The following VSTM2A variants were observed in gnomAD, a reference collection of about 807,000 sequenced individuals.
The protein encoded by VSTM2A is V-set and transmembrane domain-containing protein 2A.
VSTM2A carries 13 observed loss-of-function variants against 27.3 expected under a neutral mutation model. That is an observed-to-expected ratio of 0.48 (90% CI 0.31 to 0.76). The LOEUF is 0.76. Among genes scored for constraint, VSTM2A ranks in the 30% least tolerant of loss-of-function variants. VSTM2A has a pLI of 0.05. For synonymous variants in VSTM2A, 142 were observed against 125.7 expected, an observed-to-expected ratio of 1.13 and a Z score of -0.87; for missense variants, 280 against 310.0, an observed-to-expected ratio of 0.90 and a Z score of 0.73.
chr7:54,548,974 A>G (rs894362914), intron 3 of VSTM2A, among the ~76,000 whole-genome samples: 1 of 151,024 alleles, frequency 6.6e-6, no homozygotes. Flanking sequence ...ACATATGATT[A>G]TGTATTAAAC....
rs1788019243 is a variant in VSTM2A at position 54,546,980 on chromosome 7, G to T, written c.280G>T (p.Asp94Tyr). 2 of 1,591,854 alleles carry T rather than the reference G, an allele frequency of 1.3e-6. No individual in the cohort carries two copies. Among genetic ancestry groups the T allele is most frequent in the African/African-American group, 2.8e-5 (2 of 71,412 alleles). The change falls in exon 3 of 5, where the codon GAC becomes TAC. Residue 94 changes from aspartate (D) to tyrosine (Y), a missense_variant. Asp to Tyr is a radical substitution (Grantham distance 160, BLOSUM62 -3). Coordinates refer to ENST00000402613, the MANE Select transcript of VSTM2A (RefSeq NM_001301009.2). ...ELLPDRDPDSDGTKISTVKVQ... is the reference protein window; with the variant it reads ...ELLPDRDPDSYGTKISTVKVQ... ...CTTGCCCGACAGAGACCCGGACAGCGACGGGACCAAGATCAGCGTGAGTGC... is the reference window on the plus strand; with the variant it reads ...CTTGCCCGACAGAGACCCGGACAGCTACGGGACCAAGATCAGCGTGAGTGC...
intron 4 of VSTM2A, chr7:54,550,384 T>C (rs988430220): frequency 8.9e-6 from 12 of 1,353,430 alleles, no homozygotes; most frequent in African/African-American, 5.8e-5. Flanking sequence ...CTAGTGGTGC[T>C]TCATTTCCAG....
rs1001355589 is a variant in VSTM2A, at chr7:54,569,332, A to G, written c.*113A>G. On this transcript the variant is annotated 3_prime_UTR_variant, in exon 5 of 5. Transcript: ENST00000402613. ...CTGATCTTTTATTTTAAGAGAATTAACGTGAAGTGATAGAACGTTTTCTAA... is the reference window on the plus strand; with the variant it reads ...CTGATCTTTTATTTTAAGAGAATTAGCGTGAAGTGATAGAACGTTTTCTAA... 6.7e-7 allele frequency: 1 copy of G among 1,488,782 alleles called. No individual in the cohort carries two copies. Among genetic ancestry groups the G allele is most frequent in the Non-Finnish European group, 9.0e-7 (1 of 1,114,958 alleles). The allele number at this position is 1,488,782 out of a possible 1,614,324, so 92.2% of individuals were successfully genotyped here. A position where few individuals can be genotyped will look rare whatever the true frequency, so the allele number is the denominator to read the frequency against.
At chr7:54,556,436 G>A (rs1458160799) in intron 4 of VSTM2A, among the ~76,000 whole-genome samples, 1 of 152,204 alleles carries the variant, frequency 6.6e-6, no homozygotes, top group Non-Finnish European at 1.5e-5. Flanking sequence ...TGGGAGGAGG[G>A]AGATGAGGGA....
intron 4 of VSTM2A, among the ~76,000 whole-genome samples, chr7:54,554,271 C>T (rs1056913873): frequency 1.3e-5 from 2 of 152,108 alleles, no homozygotes; most frequent in Admixed American, 6.5e-5. Flanking sequence ...CTAGCATTCT[C>T]CTCTCTCCTT....
chr7:54,566,489 GGA>G (rs1788727971), intron 4 of VSTM2A, among the ~76,000 whole-genome samples: 1 of 152,180 alleles, frequency 6.6e-6, no homozygotes, highest in African/African-American at 2.4e-5. Flanking sequence ...GAAGTTCAGA[GGA>G]GAGAGAGATT....
At chr7:54,565,370 G>C (rs1421670118) in intron 4 of VSTM2A, among the ~76,000 whole-genome samples, 1 of 152,246 alleles carries the variant, frequency 6.6e-6, no homozygotes, top group Non-Finnish European at 1.5e-5. Flanking sequence ...GTCCCCAATA[G>C]GTTCAGCCGT....
intron 2 of VSTM2A, among the ~76,000 whole-genome samples, chr7:54,546,479 A>G (rs1787973899): frequency 6.6e-6 from 1 of 151,294 alleles, no homozygotes; most frequent in Non-Finnish European, 1.5e-5. Flanking sequence ...AAGGCGCGAA[A>G]ATTCGTCCCG....
intron 3 of VSTM2A, among the ~76,000 whole-genome samples, chr7:54,548,435 T>C (rs1788074289): frequency 2.6e-5 from 4 of 152,202 alleles, no homozygotes; most frequent in Admixed American, 2.6e-4. Context: ...AGAGTTGTTA[T>C]AAAATACTGA....
Position 54,569,377 on chromosome 7 carries a change from CCTTTT to C in VSTM2A, c.*163_*167del. ...TTCTAATAGCAAGATCTATTTTTTC[CCTTTT>C]CTTTCGGCGACTAAAATCATCTCAC... On this transcript the variant is annotated 3_prime_UTR_variant, in exon 5 of 5. Coordinates refer to ENST00000402613, the MANE Select transcript of VSTM2A (RefSeq NM_001301009.2). 1 of 1,332,498 alleles carries C rather than the reference CCTTTT, an allele frequency of 7.5e-7. No individual in the cohort carries two copies. Among genetic ancestry groups the C allele is most frequent in the South Asian group, 1.5e-5 (1 of 64,870 alleles). 82.5% of individuals were successfully genotyped at this position (1,332,498 alleles called of 1,614,324 possible). A position where few individuals can be genotyped will look rare whatever the true frequency, so the allele number is the denominator to read the frequency against.
chr7:54,566,523 A>T (rs1788728931), intron 4 of VSTM2A, among the ~76,000 whole-genome samples: 1 of 152,226 alleles, frequency 6.6e-6, no homozygotes, highest in South Asian at 2.1e-4. Context: ...TTAGGAACAG[A>T]TAAATGGACA....
Position 54,552,794 on chromosome 7 carries a change from A to ATCTTTTATT in VSTM2A, c.634+2625_634+2633dup, listed in dbSNP as rs138921227. 4.6e-4 allele frequency among the ~76,000 whole-genome samples: 70 copies of ATCTTTTATT among 152,350 alleles called. No individual in the cohort carries two copies. The East Asian group carries it at 0.01, about 23-fold the overall frequency. ...AATAGCTATATTGTACTAGCCTTTT[A>ATCTTTTATT]TCTTTTATTGTTTGATACAAAGAGG... On this transcript the variant is annotated intron_variant, in intron 4 of 4. Transcript: ENST00000402613.
At chr7:54,553,732 C>T in intron 4 of VSTM2A, 1 of 1,249,298 alleles carries the variant, frequency 8.0e-7, no homozygotes, top group South Asian at 1.5e-5. Flanking sequence ...TGTGGAAGTC[C>T]CAGGATCTTG....
intron 4 of VSTM2A, among the ~76,000 whole-genome samples, chr7:54,553,041 C>A (rs1382338253): frequency 6.6e-6 from 1 of 152,150 alleles, no homozygotes; most frequent in East Asian, 1.9e-4. Context: ...TTCAAATTTT[C>A]ATACAATTAA....
intron 1 of VSTM2A, 68 bp from the exon 2 acceptor site, chr7:54,544,554 C>A: frequency 6.3e-7 from 1 of 1,591,052 alleles, no homozygotes; most frequent in Non-Finnish European, 8.6e-7. Context: ...ATGTAGCGAG[C>A]TCTCAAGGAA....
intron 4 of VSTM2A, chr7:54,553,795 C>T: frequency 6.5e-7 from 1 of 1,538,794 alleles, no homozygotes; most frequent in African/African-American, 1.4e-5. Context: ...GGACTCAACG[C>T]CCCTCCACCA....
chr7:54,544,539 G>T, intron 1 of VSTM2A, 83 bp from the exon 2 acceptor site: 1 of 1,572,744 alleles, frequency 6.4e-7, no homozygotes, highest in East Asian at 2.2e-5. Context: ...TTAAGTCCAG[G>T]AAAAATGTAG....
In VSTM2A at chr7:54,561,586, AATGAG is replaced by A. The variant is rs1788563220; in HGVS notation, c.635-7541_635-7537del. 2.0e-5 allele frequency among the ~76,000 whole-genome samples: 3 copies of A among 152,306 alleles called. No homozygotes were observed. In the South Asian group the frequency reaches 6.2e-4, roughly 32 times the overall value. The stretch of plus-strand genomic sequence containing the variant: ...GTCCTTTTATTTGTATATCTTGATA[AATGAG>A]ATGTGAATTTTAAAAATCTTGCGTC... On this transcript the variant is annotated intron_variant, in intron 4 of 4. Coordinates refer to ENST00000402613, the MANE Select transcript of VSTM2A (RefSeq NM_001301009.2).
intron 3 of VSTM2A, among the ~76,000 whole-genome samples, chr7:54,547,842 AGTG>A (rs1178609222): frequency 1.3e-5 from 2 of 152,184 alleles, no homozygotes; most frequent in African/African-American, 4.8e-5. Context: ...AATAGCGTAA[AGTG>A]GTAGAAGATT....
Sources: gnomAD v4.1 joint callset for allele counts (sites outside exome capture counted in the v4.1 genomes callset) on GRCh38, gnomAD v4.1.1 for gene constraint, MANE v1.5 for transcripts, NCBI Gene and HGNC (gene_info 2026-07-23, HGNC 2026-07-21) for gene names.